Variants in NCKAP5 observed in about 807,000 individuals in gnomAD.
The protein encoded by NCKAP5 is NCK associated protein 5.
NCKAP5 carries 92 observed loss-of-function variants against 167.0 expected under a neutral mutation model. The ratio of observed to expected loss-of-function variants is 0.55; its 90% CI spans 0.47 to 0.66. The LOEUF is 0.66. Among genes scored for constraint, NCKAP5 ranks in the 30% least tolerant of loss-of-function variants. NCKAP5 has a pLI of 0.00. For synonymous variants in NCKAP5, 891 were observed against 877.4 expected (o/e 1.02, Z -0.27); for missense variants, 2,378 against 2,315.0 (o/e 1.03, Z -0.56).
intron 3 of NCKAP5, among the ~76,000 whole-genome samples, chr2:133,355,552 AT>A (rs971941019): frequency 3.3e-5 from 5 of 151,976 alleles, no homozygotes; most frequent in Non-Finnish European, 5.9e-5. Context: ...TCTGAGTTTC[AT>A]TTTTAGTCAA....
At chr2:133,605,793 C>CT in the NCKAP5 span, among the ~76,000 whole-genome samples, 3 of 152,116 alleles carry the variant, frequency 2.0e-5, no homozygotes, top group Admixed American at 6.5e-5. Flanking sequence ...TGTATCCCTG[C>CT]TTTTTGGTCA....
chr2:133,190,799 A>G (rs928497946), intron 5 of NCKAP5, among the ~76,000 whole-genome samples: 2 of 152,202 alleles, frequency 1.3e-5, no homozygotes, highest in African/African-American at 4.8e-5. Flanking sequence ...GAAATGTTAG[A>G]CCTAAACCTA....
chr2:133,060,818 C>T (rs1272126848), intron 6 of NCKAP5, among the ~76,000 whole-genome samples: 2 of 152,088 alleles, frequency 1.3e-5, no homozygotes, highest in Non-Finnish European at 2.9e-5. Flanking sequence ...ATTGGGCAGC[C>T]TTCTGAATAT....
chr2:133,021,132 C>T (rs2078512273), intron 6 of NCKAP5, among the ~76,000 whole-genome samples: 1 of 152,260 alleles, frequency 6.6e-6, no homozygotes, highest in African/African-American at 2.4e-5. Context: ...TTAGCCATGA[C>T]AGAAGCAAAT....
intron 16 of NCKAP5, 120 bp from the exon 17 acceptor site, chr2:132,732,171 A>G (rs1462913796): frequency 3.1e-6 from 3 of 953,584 alleles, no homozygotes; most frequent in East Asian, 5.3e-5. Context: ...TGAATTTAAG[A>G]AAAAGAAAAA....
chr2:133,123,415 G>A (rs2149769497), intron 6 of NCKAP5: 1 of 185,236 alleles, frequency 5.4e-6, no homozygotes, highest in Non-Finnish European at 1.2e-5. Flanking sequence ...TGTTATCCAG[G>A]CATTTTAAAA....
Position 132,725,644 on chromosome 2 carries a change from A to G in NCKAP5, c.5696T>C (p.Leu1899Pro). The change falls in exon 19 of 20, where the codon CTG becomes CCG. Residue 1899 changes from leucine to proline, a missense_variant. Leu to Pro is a moderately conservative substitution (Grantham distance 98). This residue lies in a region of NCKAP5 where 1,325 missense variants were observed against 1,274.5 expected (regional missense o/e 1.04). Transcript: ENST00000409261. ...GAGRGQLVKA[L>P]KSAAPEIETT ...GTTGTTACCTGGGGCAGCGCTCTTC[A>G]GTGCTTTCACTAACTGTCCCCTTCC... The G allele has an allele frequency of 6.2e-7, 1 of 1,611,188 alleles. No homozygotes were observed. The highest frequency in any genetic ancestry group is 8.5e-7 in the Non-Finnish European group (1 of 1,178,812).
chr2:133,449,337 G>A (rs888856580), intron 3 of NCKAP5, among the ~76,000 whole-genome samples: 3 of 152,126 alleles, frequency 2.0e-5, no homozygotes, highest in Admixed American at 6.5e-5. Context: ...TTAGCAAAAC[G>A]ATTTAGAGCT....
At chr2:132,793,559 C>T (rs1456091367) in intron 12 of NCKAP5, among the ~76,000 whole-genome samples, 1 of 152,230 alleles carries the variant, frequency 6.6e-6, no homozygotes, top group Non-Finnish European at 1.5e-5. Context: ...TGCTGCTATT[C>T]TGTGACCCAT....
intron 6 of NCKAP5, among the ~76,000 whole-genome samples, chr2:133,011,646 T>C (rs1250610931): frequency 1.3e-5 from 2 of 152,238 alleles, no homozygotes; most frequent in East Asian, 1.9e-4. Context: ...CAGACTTCAA[T>C]AGAGAGCCTT....
the NCKAP5 span, among the ~76,000 whole-genome samples, chr2:133,670,474 G>A: frequency 6.6e-6 from 1 of 152,194 alleles, no homozygotes; most frequent in South Asian, 2.1e-4. Context: ...TCCCTTGTGT[G>A]TACTACATGC....
intron 8 of NCKAP5, among the ~76,000 whole-genome samples, chr2:132,922,103 T>C (rs1243484747): frequency 1.3e-5 from 2 of 152,218 alleles, no homozygotes; most frequent in Non-Finnish European, 2.9e-5. Context: ...CCTGGGTTCA[T>C]GAACGCAGCT....
chr2:133,210,964 C>A (rs1372273256), intron 5 of NCKAP5, among the ~76,000 whole-genome samples: 1 of 152,008 alleles, frequency 6.6e-6, no homozygotes. Flanking sequence ...CCGTTGAGAC[C>A]TTGAGGGTGC....
chr2:133,339,992 C>T (rs1683463949), intron 3 of NCKAP5, among the ~76,000 whole-genome samples: 1 of 152,188 alleles, frequency 6.6e-6, no homozygotes. Flanking sequence ...CATGGTTTAG[C>T]TTCCGGGTGT....
chr2:133,457,112 T>C (rs1041724118), intron 3 of NCKAP5, among the ~76,000 whole-genome samples: 2 of 152,150 alleles, frequency 1.3e-5, no homozygotes, highest in African/African-American at 4.8e-5. Context: ...GAGAGGTACA[T>C]GATGAAGACA....
intron 11 of NCKAP5, among the ~76,000 whole-genome samples, chr2:132,836,418 T>G (rs77452628): frequency 0.03 from 4,536 of 152,184 alleles, 213 homozygotes; most frequent in East Asian, 0.12. Flanking sequence ...AGTATTTTTT[T>G]TTTGTTTGTT....
At chr2:133,273,816 A>G (rs1190622335) in intron 4 of NCKAP5, among the ~76,000 whole-genome samples, 2 of 151,854 alleles carry the variant, frequency 1.3e-5, no homozygotes, top group Non-Finnish European at 2.9e-5. Flanking sequence ...ATTTGGGGGA[A>G]GATAAAAAAA....
intron 6 of NCKAP5, among the ~76,000 whole-genome samples, chr2:133,077,967 C>T (rs143195411): frequency 5.9e-5 from 9 of 152,256 alleles, no homozygotes; most frequent in East Asian, 5.8e-4. Context: ...TAAATGTCTT[C>T]GGCTTCTCTG....
intron 3 of NCKAP5, among the ~76,000 whole-genome samples, chr2:133,455,363 A>G (rs1574984053): frequency 6.6e-6 from 1 of 152,082 alleles, no homozygotes; most frequent in Non-Finnish European, 1.5e-5. Context: ...GCCTTATTGT[A>G]GCCAAGTGGC....
Sources: gnomAD v4.1 joint callset for allele counts (sites outside exome capture counted in the v4.1 genomes callset) on GRCh38, gnomAD v4.1.1 for gene constraint, gnomAD v4.1.1 regional missense constraint, MANE v1.5 for transcripts, NCBI Gene and HGNC (gene_info 2026-07-23, HGNC 2026-07-21) for gene names.